GIT1: variants seen among roughly 807,000 people sequenced by gnomAD.
GIT1 encodes the protein ARF GTPase-activating protein GIT1.
A neutral mutation model predicts 91.7 loss-of-function variants in GIT1; 14 were observed. That is an observed-to-expected ratio of 0.15 (90% CI 0.10 to 0.24). The LOEUF is 0.24. Ranked by LOEUF, GIT1 falls within the 10% of genes least tolerant of loss-of-function variation. The pLI is 1.00. For missense variants in GIT1, 717 were observed against 1,024.9 expected (o/e 0.70, Z 4.10); for synonymous variants, 414 against 418.2 (o/e 0.99, Z 0.12).
In GIT1 at chr17:29,573,706, G is replaced by T. The variant is rs554216237; in HGVS notation, c.*996C>A. 1 of 152,724 alleles carries T rather than the reference G, an allele frequency of 6.5e-6. No homozygotes were observed. Among genetic ancestry groups the T allele is most frequent in the South Asian group, 2.1e-4 (1 of 4,828 alleles). 9.5% of individuals were successfully genotyped at this position (152,724 alleles called of 1,614,324 possible). A position where few individuals can be genotyped will look rare whatever the true frequency, so the allele number is the denominator to read the frequency against. ...TGATGGTGGGTGCTGGCCTTGCAGA[G>T]GTTACGGGGAGGGGACTCAGCTCCA... On this transcript the variant is annotated 3_prime_UTR_variant, in exon 20 of 20. Coordinates refer to ENST00000225394, the MANE Select transcript of GIT1 (RefSeq NM_014030.4).
At position 29,576,734 on chromosome 17, in the gene GIT1, G is replaced by A. The variant is rs1185614021; in HGVS notation, c.1228-60C>T. 3 of 1,602,788 alleles carry A rather than the reference G, an allele frequency of 1.9e-6. No homozygotes were observed. The African/African-American group carries it at 4.0e-5, about 21-fold the overall frequency. On this transcript the variant is annotated intron_variant, in intron 12 of 19. Coordinates refer to ENST00000225394, the MANE Select transcript of GIT1 (RefSeq NM_014030.4). Reference sequence around the variant, plus strand: ...GGGCAGGGAGGCCAACACCCGCAGGGGGCAGTTATTGAGGCTAGGAGCAGC... The same window carrying A: ...GGGCAGGGAGGCCAACACCCGCAGGAGGCAGTTATTGAGGCTAGGAGCAGC...
chr17:29,583,154 CTG>C, intron 2 of GIT1, 117 bp from the exon 3 acceptor site: 1 of 704,498 alleles, frequency 1.4e-6, no homozygotes, highest in East Asian at 2.7e-5. Flanking sequence ...AGGGGGCCTA[CTG>C]TGTGCCCGCA....
chr17:29,585,363 CATAA>C (rs2033559713), intron 1 of GIT1, among the ~76,000 whole-genome samples: 1 of 152,154 alleles, frequency 6.6e-6, no homozygotes, highest in Non-Finnish European at 1.5e-5. Context: ...AGGGCAGGAT[CATAA>C]ATGGGCTGAT....
chr17:29,576,176 G>A lies in GIT1; in HGVS notation c.1611+44C>T, dbSNP rs540048184. ...GAGCGTCATGGTGGACCCTGCGGCA[G>A]CCCCACCCATCTCCCCACACCTTGA... On this transcript the variant is annotated intron_variant, in intron 14 of 19. Transcript: ENST00000225394. 67 of 1,610,386 alleles carry A rather than the reference G, an allele frequency of 4.2e-5. No homozygotes were observed. The South Asian group carries it at 5.4e-4, about 13-fold the overall frequency.
At chr17:29,585,728 G>A (rs956526244) in intron 1 of GIT1, among the ~76,000 whole-genome samples, 1 of 152,106 alleles carries the variant, frequency 6.6e-6, no homozygotes, top group Admixed American at 6.5e-5. Flanking sequence ...AGTGCCCTTG[G>A]GACTACCCAG....
Position 29,582,126 on chromosome 17 carries a change from G to C in GIT1, c.424C>G (p.Arg142Gly). 6.3e-7 allele frequency: 1 copy of C among 1,581,592 alleles called. No homozygotes were observed. The change falls in exon 5 of 20, where the codon CGG becomes GGG. Residue 142 changes from arginine to glycine, a missense_variant. Physicochemically the swap from Arg to Gly is moderately radical, Grantham distance 125. This residue lies in a region of GIT1 where 271 missense variants were observed against 451.6 expected (regional missense o/e 0.60). Coordinates refer to ENST00000225394, the MANE Select transcript of GIT1 (RefSeq NM_014030.4). The part of the protein sequence containing the change: ...DLSKQLHSSV[R>G]TGNLETCLRL... ...AGACATGTCTCCAGGTTGCCTGTCC[G>C]CACGCTCGAGTGTAGTTGCTAAGAG...
chr17:29,582,829 G>C, intron 3 of GIT1, 26 bp from the exon 4 acceptor site: 1 of 1,595,488 alleles, frequency 6.3e-7, no homozygotes, highest in South Asian at 1.1e-5. Context: ...AGGAGGAATG[G>C]GGAGCATGGT....
chr17:29,577,028 C>T, intron 11 of GIT1, 32 bp from the exon 12 acceptor site: 1 of 1,605,750 alleles, frequency 6.2e-7, no homozygotes, highest in African/African-American at 1.3e-5. Flanking sequence ...TCAGGCCACA[C>T]TCCACCACAC....
At position 29,575,703 on chromosome 17, in the gene GIT1, T is replaced by C; in HGVS notation, c.1753A>G (p.Ser585Gly). The change falls in exon 17 of 20, where the codon AGC becomes GGC. Residue 585 changes from serine (S) to glycine (G), a missense_variant and splice_region_variant. Physicochemically the swap from Ser to Gly is moderately conservative, Grantham distance 56 (BLOSUM62 0). Transcript: ENST00000225394. The surrounding 1 kb of genome is among the most constrained non-coding windows in gnomAD (Gnocchi z 5.5). ...CCACTGCCGTGGCGGGAAAGCTTGC[T>C]CTGGAGGGCGGAGGGAAGGGGCTGT... ...SCSQEGSRHT[S>G]KLSRHGSGAD... The C allele has an allele frequency of 2.5e-6, 4 of 1,612,370 alleles. No homozygotes were observed. The highest frequency in any genetic ancestry group is 1.1e-5 in the South Asian group (1 of 91,078).
At position 29,583,018 on chromosome 17, in the gene GIT1, C is replaced by A; in HGVS notation, c.206G>T (p.Ser69Ile). ...TLLQMVHTLA[S>I]NGANSIWEHS... is the part of the protein sequence containing the mutation. ...CTCCCAGATGGAGTTGGCCCCGTTG[C>A]TGGCAAGCGTGTGCACCATCTGCAG... Residue 69 changes from serine (S) to isoleucine (I), a missense_variant, in exon 3 of 20, where the codon AGC (serine) becomes ATC (isoleucine). By Grantham distance (142) the Ser-to-Ile change is moderately radical (BLOSUM62 -2). This residue lies in a region of GIT1 where 271 missense variants were observed against 451.6 expected (regional missense o/e 0.60). Coordinates refer to ENST00000225394, the MANE Select transcript of GIT1 (RefSeq NM_014030.4). 1 of 1,609,942 alleles carries A rather than the reference C, an allele frequency of 6.2e-7. No individual in the cohort carries two copies.
At chr17:29,579,913 C>T (rs1208944385) in intron 7 of GIT1, among the ~76,000 whole-genome samples, 1 of 152,172 alleles carries the variant, frequency 6.6e-6, no homozygotes, top group African/African-American at 2.4e-5. Context: ...ACTCTCCGCT[C>T]TCGGGATGGT....
At chr17:29,587,618 G>A (rs1415083349) in intron 1 of GIT1, among the ~76,000 whole-genome samples, 1 of 152,194 alleles carries the variant, frequency 6.6e-6, no homozygotes, top group African/African-American at 2.4e-5. Flanking sequence ...CCTTGCTGGT[G>A]CTGCCCTTCA....
In GIT1 at chr17:29,577,133, C is replaced by G; in HGVS notation, c.1093+3G>C. ...CCCACACCCTCCCACACAACCCTCC[C>G]ACCTGTGGGGCTGCTCAGGCTCTTG... On this transcript the variant is annotated splice_donor_region_variant and intron_variant, in intron 11 of 19. Coordinates refer to ENST00000225394, the MANE Select transcript of GIT1 (RefSeq NM_014030.4). 2 of 1,612,924 alleles carry G rather than the reference C, an allele frequency of 1.2e-6. No individual in the cohort carries two copies. The highest frequency in any genetic ancestry group is 1.7e-6 in the Non-Finnish European group (2 of 1,179,184).
At chr17:29,586,850 C>G (rs2033610357) in intron 1 of GIT1, among the ~76,000 whole-genome samples, 1 of 152,110 alleles carries the variant, frequency 6.6e-6, no homozygotes, top group Non-Finnish European at 1.5e-5. Flanking sequence ...CTCTTGGACT[C>G]CCCAGGCAGG....
chr17:29,587,356 C>T (rs982301392), intron 1 of GIT1, among the ~76,000 whole-genome samples: 5 of 152,190 alleles, frequency 3.3e-5, no homozygotes, highest in Non-Finnish European at 7.4e-5. Flanking sequence ...TCGCTGGGTG[C>T]TAGGTGGGCT....
chr17:29,584,876 C>A (rs1035142029), intron 1 of GIT1, among the ~76,000 whole-genome samples: 7 of 152,140 alleles, frequency 4.6e-5, no homozygotes, highest in Middle Eastern at 3.4e-3. Flanking sequence ...AGGGGCCCAG[C>A]CTGAGCTCTG....
Position 29,581,550 on chromosome 17 carries a change from C to G in GIT1, c.719-170G>C, listed in dbSNP as rs955754470. On this transcript the variant is annotated intron_variant, in intron 6 of 19. Coordinates refer to ENST00000225394, the MANE Select transcript of GIT1 (RefSeq NM_014030.4). This position sits in a 1 kb window ranked among gnomAD's most constrained non-coding sequence, Gnocchi z 4.8. ...GAGCTCGTGGGAGGATGCAGGATGCCCACCCCCACTCCCTAGCCCCAGCGA... is the reference window on the plus strand; with the variant it reads ...GAGCTCGTGGGAGGATGCAGGATGCGCACCCCCACTCCCTAGCCCCAGCGA... 1.4e-5 allele frequency: 10 copies of G among 705,272 alleles called. No homozygotes were observed. The allele number at this position is 705,272 out of a possible 1,614,324, so 43.7% of individuals were successfully genotyped here.
Position 29,576,852 on chromosome 17 carries a change from G to T in GIT1, c.1227+11C>A. The T allele has an allele frequency of 6.3e-7, 1 of 1,576,926 alleles. No individual in the cohort carries two copies. Among genetic ancestry groups the T allele is most frequent in the East Asian group, 2.3e-5 (1 of 43,426 alleles). Reference sequence around the variant, plus strand: ...GGCACAGGGGAGTGGGAAGGAGGGTGGGACTCAGACCCGGGCCCGGTTGCT... The same window carrying T: ...GGCACAGGGGAGTGGGAAGGAGGGTTGGACTCAGACCCGGGCCCGGTTGCT... On this transcript the variant is annotated intron_variant, in intron 12 of 19. Coordinates refer to ENST00000225394, the MANE Select transcript of GIT1 (RefSeq NM_014030.4).
intron 7 of GIT1, 93 bp from the exon 8 acceptor site, chr17:29,578,872 C>T: frequency 6.4e-7 from 1 of 1,556,960 alleles, no homozygotes; most frequent in South Asian, 1.1e-5. Context: ...TGCAGGGATC[C>T]CGGGGAGATG....
Sources: allele counts gnomAD v4.1 joint callset (sites outside exome capture counted in the v4.1 genomes callset), GRCh38; gene constraint gnomAD v4.1.1; regional missense constraint gnomAD v4.1.1; non-coding constraint Gnocchi (gnomAD v3.1); transcripts MANE v1.5; gene names NCBI Gene and HGNC (gene_info 2026-07-23, HGNC 2026-07-21).